Variants in OSBP2 observed in about 807,000 individuals in gnomAD.
OSBP2 encodes oxysterol binding protein 2, also known as oxysterol-binding protein 2.
Under a neutral mutation model 96.0 loss-of-function variants are expected in OSBP2, and 66 were observed. That is an observed-to-expected ratio of 0.69 (90% CI 0.56 to 0.84). The LOEUF is 0.84. OSBP2 is among the 40% of genes least tolerant of loss of function. The pLI, the probability that OSBP2 is intolerant of heterozygous loss-of-function variation, is 0.00. For synonymous variants in OSBP2, 525 were observed against 520.9 expected (o/e 1.01, Z -0.11); for missense variants, 1,038 against 1,222.7 (o/e 0.85, Z 2.25).
At chr22:30,873,523 C>G (rs2147115873) in intron 3 of OSBP2, among the ~76,000 whole-genome samples, 1 of 152,276 alleles carries the variant, frequency 6.6e-6, no homozygotes, top group Middle Eastern at 3.4e-3. Flanking sequence ...AATCATCACC[C>G]CCAATCTCTT....
At chr22:30,845,020 A>C (rs778240667) in intron 2 of OSBP2, among the ~76,000 whole-genome samples, 2 of 152,260 alleles carry the variant, frequency 1.3e-5, no homozygotes, top group African/African-American at 2.4e-5. Context: ...GTCAGAACAC[A>C]TACAACATTT....
chr22:30,886,672 T>C (rs1228281313), intron 3 of OSBP2, among the ~76,000 whole-genome samples: 1 of 152,100 alleles, frequency 6.6e-6, no homozygotes, highest in Non-Finnish European at 1.5e-5. Context: ...CAGAGTCAGG[T>C]TGGAAAGTAA....
At chr22:30,887,402 A>G (rs1203509522) in intron 3 of OSBP2, 24 bp from the exon 4 acceptor site, 1 of 1,602,854 alleles carries the variant, frequency 6.2e-7, no homozygotes, top group Non-Finnish European at 8.5e-7. Flanking sequence ...CCAGGGTCTC[A>G]TACCGCCACT....
At chr22:30,745,474 A>G (rs1214260775) in intron 2 of OSBP2, among the ~76,000 whole-genome samples, 2 of 152,076 alleles carry the variant, frequency 1.3e-5, no homozygotes, top group African/African-American at 4.8e-5. Flanking sequence ...AGCCTGGCCA[A>G]CATGCTTAAG....
chr22:30,902,113 AAAAAAAAAAAACG>A (rs1279131664), intron 12 of OSBP2: 39 of 131,816 alleles, frequency 3.0e-4, no homozygotes, highest in African/African-American at 2.4e-3. Flanking sequence ...AATATAAGAA[AAAAAAAAAAAACG>A]AAAAAAAAAA....
chr22:30,712,484 T>A (rs1005321123), intron 1 of OSBP2, among the ~76,000 whole-genome samples: 2 of 152,176 alleles, frequency 1.3e-5, no homozygotes, highest in African/African-American at 4.8e-5. Context: ...TCCCAGCTGC[T>A]ATGGAACCTC....
At chr22:30,869,787 T>G (rs563410268) in intron 2 of OSBP2, among the ~76,000 whole-genome samples, 1 of 152,118 alleles carries the variant, frequency 6.6e-6, no homozygotes, top group Non-Finnish European at 1.5e-5. Context: ...GGCATTGGGC[T>G]GGCCCTCAAA....
chr22:30,761,483 T>C (rs147672660), intron 2 of OSBP2, among the ~76,000 whole-genome samples: 54 of 152,296 alleles, frequency 3.5e-4, no homozygotes, highest in African/African-American at 1.3e-3. Context: ...GATCAGAAGA[T>C]TCAAGAGAGT....
intron 1 of OSBP2, among the ~76,000 whole-genome samples, chr22:30,718,974 G>A (rs973247084): frequency 6.6e-6 from 1 of 152,140 alleles, no homozygotes; most frequent in Non-Finnish European, 1.5e-5. Flanking sequence ...AAATTATTTT[G>A]CTAGATACAG....
At chr22:30,838,350 AC>A (rs2038678867) in intron 2 of OSBP2, among the ~76,000 whole-genome samples, 1 of 152,230 alleles carries the variant, frequency 6.6e-6, no homozygotes, top group African/African-American at 2.4e-5. Context: ...GAGGATAAGA[AC>A]CAGGTCTGAT....
At chr22:30,897,950 AG>A (rs2040102452) in intron 12 of OSBP2, among the ~76,000 whole-genome samples, 1 of 145,640 alleles carries the variant, frequency 6.9e-6, no homozygotes, top group African/African-American at 2.7e-5. Flanking sequence ...ACTCCGTCTC[AG>A]GAAAAAAAAA....
intron 2 of OSBP2, among the ~76,000 whole-genome samples, chr22:30,762,408 C>T (rs1023561490): frequency 2.6e-5 from 4 of 151,726 alleles, no homozygotes; most frequent in Non-Finnish European, 5.9e-5. Flanking sequence ...ATTAGCCGGG[C>T]GTGGTGGCGG....
chr22:30,788,847 G>A (rs978406620), intron 2 of OSBP2, among the ~76,000 whole-genome samples: 2 of 152,004 alleles, frequency 1.3e-5, no homozygotes, highest in Non-Finnish European at 2.9e-5. Context: ...CGAGTAGCTG[G>A]GATTACAGGC....
At chr22:30,752,818 T>C (rs2090094692) in intron 2 of OSBP2, among the ~76,000 whole-genome samples, 1 of 152,172 alleles carries the variant, frequency 6.6e-6, no homozygotes, top group African/African-American at 2.4e-5. Flanking sequence ...TCAGGTAAAA[T>C]ACTCTGATCT....
At chr22:30,823,258 A>G (rs530421400) in intron 2 of OSBP2, among the ~76,000 whole-genome samples, 367 of 152,304 alleles carry the variant, frequency 2.4e-3, no homozygotes, top group Non-Finnish European at 3.7e-3. Flanking sequence ...TCACAAGCCC[A>G]AGGGCCCTTC....
chr22:30,756,112 C>A (rs2090137540), intron 2 of OSBP2, among the ~76,000 whole-genome samples: 1 of 152,230 alleles, frequency 6.6e-6, no homozygotes, highest in Non-Finnish European at 1.5e-5. Flanking sequence ...CTGGCCACCA[C>A]AGCAGTTACC....
chr22:30,834,794 GTCTTT>G (rs113056328), intron 2 of OSBP2, among the ~76,000 whole-genome samples: 8,744 of 150,766 alleles, frequency 0.058, 237 homozygotes, highest in African/African-American at 0.071. Context: ...TCTATGGATT[GTCTTT>G]TCTTTTCTTT....
At chr22:30,702,961 A>G (rs2089187529) in intron 1 of OSBP2, among the ~76,000 whole-genome samples, 1 of 152,232 alleles carries the variant, frequency 6.6e-6, no homozygotes. Context: ...GATTTCAGAA[A>G]GCCAAGTATG....
At chr22:30,855,074 C>T (rs531477999) in intron 2 of OSBP2, among the ~76,000 whole-genome samples, 1 of 152,310 alleles carries the variant, frequency 6.6e-6, no homozygotes, top group South Asian at 2.1e-4. Flanking sequence ...GCCCCTCCCA[C>T]GACATGTGGG....
Sources: allele counts gnomAD v4.1 joint callset (sites outside exome capture counted in the v4.1 genomes callset), GRCh38; gene constraint gnomAD v4.1.1; transcripts MANE v1.5; gene names NCBI Gene and HGNC (gene_info 2026-07-23, HGNC 2026-07-21).